The following SLC25A13 variants were observed in gnomAD, a reference collection of about 807,000 sequenced individuals.
SLC25A13 encodes the protein electrogenic aspartate/glutamate antiporter SLC25A13, mitochondrial.
A neutral mutation model predicts 85.5 loss-of-function variants in SLC25A13; 70 were observed. The observed-to-expected ratio is 0.82, with a 90% confidence interval of 0.68 to 1.00. The LOEUF (loss-of-function observed/expected upper bound fraction) is 1.00, where lower values mean the gene tolerates loss of function less well. Ranked by LOEUF, SLC25A13 falls within the 50% of genes least tolerant of loss-of-function variation. SLC25A13 has a pLI of 0.00. For synonymous variants in SLC25A13, 259 were observed against 288.7 expected (o/e 0.90, Z 1.04); for missense variants, 765 against 819.8 (o/e 0.93, Z 0.82).
At chr7:96,125,822 C>T (rs1009470966) in intron 15 of SLC25A13, among the ~76,000 whole-genome samples, 2 of 146,210 alleles carry the variant, frequency 1.4e-5, no homozygotes, top group African/African-American at 5.0e-5. Context: ...TCCATTATAT[C>T]ATTCAGAACT....
intron 3 of SLC25A13, among the ~76,000 whole-genome samples, chr7:96,265,884 A>G (rs1194126604): frequency 3.3e-5 from 5 of 152,168 alleles, no homozygotes; most frequent in Admixed American, 6.5e-5. Flanking sequence ...TCCTTCATAG[A>G]TGGTGCCTTC....
intron 4 of SLC25A13, among the ~76,000 whole-genome samples, chr7:96,211,953 G>A (rs1470827085): frequency 6.6e-6 from 1 of 152,194 alleles, no homozygotes; most frequent in African/African-American, 2.4e-5. Context: ...CATTCTGAAA[G>A]CATTATCAGG....
At position 96,120,919 on chromosome 7, in the gene SLC25A13, C is replaced by T. The variant is rs1425663617; in HGVS notation, c.*272G>A. On this transcript the variant is annotated 3_prime_UTR_variant, in exon 18 of 18. Coordinates refer to ENST00000265631, the MANE Select transcript of SLC25A13 (RefSeq NM_014251.3). The stretch of plus-strand genomic sequence containing the variant: ...TTCTATTCTGACTTGCTCCTTTCCC[C>T]AAATCATGTTAGTGTTGACCAAATC... 1.8e-6 allele frequency: 1 copy of T among 568,040 alleles called. No homozygotes were observed. Among genetic ancestry groups the T allele is most frequent in the East Asian group, 4.1e-5 (1 of 24,648 alleles). 35.2% of individuals were successfully genotyped at this position (568,040 alleles called of 1,614,324 possible). A position where few individuals can be genotyped will look rare whatever the true frequency, so the allele number is the denominator to read the frequency against.
chr7:96,251,951 C>A (rs1797444053), intron 3 of SLC25A13, among the ~76,000 whole-genome samples: 1 of 152,142 alleles, frequency 6.6e-6, no homozygotes, highest in African/African-American at 2.4e-5. Flanking sequence ...ACACCCTGGT[C>A]AGAGAGCCTC....
chr7:96,164,141 C>T (rs933105712), intron 13 of SLC25A13, among the ~76,000 whole-genome samples: 3 of 152,192 alleles, frequency 2.0e-5, no homozygotes, highest in Non-Finnish European at 4.4e-5. Flanking sequence ...TTAACAAACA[C>T]ACTGTGGCTA....
chr7:96,214,730 T>C (rs200520416), intron 4 of SLC25A13, among the ~76,000 whole-genome samples: 1 of 143,506 alleles, frequency 7.0e-6, no homozygotes, highest in Non-Finnish European at 1.5e-5. Flanking sequence ...TGCAAAAAAA[T>C]TAATTAATTA....
chr7:96,189,550 TCC>T, intron 8 of SLC25A13, 29 bp downstream of exon 8: 2 of 1,423,814 alleles, frequency 1.4e-6, no homozygotes, highest in African/African-American at 1.8e-5. Flanking sequence ...TTAAGCTAAT[TCC>T]AAAAAAAAAA....
At chr7:96,135,102 C>A (rs1562785113) in intron 14 of SLC25A13, among the ~76,000 whole-genome samples, 1 of 152,038 alleles carries the variant, frequency 6.6e-6, no homozygotes, top group Non-Finnish European at 1.5e-5. Context: ...GTCAAAAATA[C>A]CAAAGGCCAT....
chr7:96,185,040 C>G (rs1352398962), intron 9 of SLC25A13, 29 bp from the exon 10 acceptor site: 25 of 1,564,904 alleles, frequency 1.6e-5, no homozygotes, highest in Non-Finnish European at 2.2e-5. Context: ...AATCAGAGAG[C>G]AGGAAAACAG....
intron 11 of SLC25A13, among the ~76,000 whole-genome samples, chr7:96,177,406 A>G (rs1794264106): frequency 6.6e-6 from 1 of 152,240 alleles, no homozygotes; most frequent in African/African-American, 2.4e-5. Context: ...GCTGACAAGC[A>G]ACTTTTCACA....
intron 3 of SLC25A13, among the ~76,000 whole-genome samples, chr7:96,248,517 T>G (rs1797292949): frequency 6.6e-6 from 1 of 152,170 alleles, no homozygotes; most frequent in Non-Finnish European, 1.5e-5. Flanking sequence ...TTCTTGCACC[T>G]GTTTCCTAAT....
intron 9 of SLC25A13, among the ~76,000 whole-genome samples, chr7:96,188,266 A>G (rs1168260452): frequency 6.6e-6 from 1 of 152,230 alleles, no homozygotes; most frequent in Non-Finnish European, 1.5e-5. Flanking sequence ...CTTTTAAGCA[A>G]GGCCAGCTGG....
chr7:96,229,370 G>GGACCAATCAGCTCTCTGTAAAACA (rs1348490127), intron 4 of SLC25A13, among the ~76,000 whole-genome samples: 1 of 152,094 alleles, frequency 6.6e-6, no homozygotes, highest in Non-Finnish European at 1.5e-5. Flanking sequence ...CTGTCAAAAT[G>GGACCAATCAGCTCTCTGTAAAACA]GACCAATCAG....
In SLC25A13 at chr7:96,300,389, C is replaced by T. The variant is rs983822220; in HGVS notation, c.16-3438G>A. Among the ~76,000 whole-genome samples the T allele has an allele frequency of 3.9e-5, 6 of 152,292 alleles. No homozygotes were observed. In the South Asian group the frequency reaches 8.3e-4, roughly 21 times the overall value. On this transcript the variant is annotated intron_variant, in intron 1 of 17. Transcript: ENST00000265631. ...CATTTATAAAATGGGGAGTCCTAGA[C>T]AGCTAGAAAAGTAATATGAGATAAT...
intron 13 of SLC25A13, among the ~76,000 whole-genome samples, chr7:96,168,097 T>TAAAAAAAAAAA (rs1584401547): frequency 1.3e-4 from 1 of 7,436 alleles, no homozygotes; most frequent in Non-Finnish European, 3.4e-4. Flanking sequence ...AAACTCTGTC[T>TAAAAAAAAAAA]GAAAAAAAAA....
intron 3 of SLC25A13, among the ~76,000 whole-genome samples, chr7:96,258,688 T>G (rs1487827384): frequency 6.6e-6 from 1 of 152,170 alleles, no homozygotes; most frequent in East Asian, 1.9e-4. Context: ...TACCATTGAC[T>G]TCCTTCACAG....
chr7:96,240,522 G>A (rs1214141594), intron 3 of SLC25A13, among the ~76,000 whole-genome samples: 1 of 152,088 alleles, frequency 6.6e-6, no homozygotes, highest in Non-Finnish European at 1.5e-5. Flanking sequence ...TACCAAGGAA[G>A]GAAGACCAGA....
At chr7:96,132,847 A>T (rs1010444878) in intron 14 of SLC25A13, among the ~76,000 whole-genome samples, 2 of 152,214 alleles carry the variant, frequency 1.3e-5, no homozygotes, top group African/African-American at 4.8e-5. Flanking sequence ...ATTGAGGCCT[A>T]GTAATGCTGG....
chr7:96,206,462 C>T (rs1438506309), intron 5 of SLC25A13, among the ~76,000 whole-genome samples: 1 of 152,138 alleles, frequency 6.6e-6, no homozygotes, highest in African/African-American at 2.4e-5. Context: ...TCAAATGAAG[C>T]AAACAAAACA....
Sources: gnomAD v4.1 joint callset for allele counts (sites outside exome capture counted in the v4.1 genomes callset) on GRCh38, gnomAD v4.1.1 for gene constraint, MANE v1.5 for transcripts, NCBI Gene and HGNC (gene_info 2026-07-23, HGNC 2026-07-21) for gene names.